The following ZFYVE1 variants were observed in gnomAD, a reference collection of about 807,000 sequenced individuals.
ZFYVE1 encodes zinc finger FYVE domain-containing protein 1.
ZFYVE1 carries 30 observed loss-of-function variants against 74.4 expected under a neutral mutation model. The ratio of observed to expected loss-of-function variants is 0.40; its 90% confidence interval spans 0.30 to 0.55. The LOEUF (loss-of-function observed/expected upper bound fraction) is 0.55. Ranked by LOEUF, ZFYVE1 falls within the 20% of genes least tolerant of loss-of-function variation. The probability of loss-of-function intolerance (pLI) is 0.42; values close to 1 mark genes in which losing one functional copy is unlikely to be tolerated. For synonymous variants in ZFYVE1, 335 were observed against 385.1 expected, an observed-to-expected ratio of 0.87 and a Z score of 1.52; for missense variants, 703 against 1,011.6, an observed-to-expected ratio of 0.69 and a Z score of 4.14.
intron 11 of ZFYVE1, among the ~76,000 whole-genome samples, chr14:72,972,155 A>C (rs1274524177): frequency 6.6e-6 from 1 of 152,308 alleles, no homozygotes; most frequent in Admixed American, 6.5e-5. Flanking sequence ...TGGAGGTTGC[A>C]GTAAGCCAAG....
At chr14:73,007,266 A>C (rs1894000296) in intron 2 of ZFYVE1, among the ~76,000 whole-genome samples, 1 of 152,174 alleles carries the variant, frequency 6.6e-6, no homozygotes, top group African/African-American at 2.4e-5. Flanking sequence ...GAGATTCTAG[A>C]AGTTAAACCC....
chr14:73,003,363 C>A (rs1342916737), intron 2 of ZFYVE1, among the ~76,000 whole-genome samples: 2 of 152,116 alleles, frequency 1.3e-5, no homozygotes, highest in Admixed American at 6.6e-5. Flanking sequence ...TCTCAAGAGT[C>A]TGCTGGTTTG....
chr14:73,008,706 G>A (rs1894029529), intron 2 of ZFYVE1, among the ~76,000 whole-genome samples: 1 of 152,166 alleles, frequency 6.6e-6, no homozygotes, highest in African/African-American at 2.4e-5. Context: ...GGGAGATGCA[G>A]CTGCCTTTTT....
chr14:72,975,477 C>A lies in ZFYVE1; in HGVS notation c.1806+74G>T, dbSNP rs796829610. On this transcript the variant is annotated intron_variant, in intron 9 of 11. Transcript: ENST00000556143. The surrounding 1 kb of genome is among the most constrained non-coding windows in gnomAD (Gnocchi z 4.1). ...GTTTGCGTCTCCCTCACAGAACAAG[C>A]TTAGCACAGGGCAAAGCGGCATTAA... The A allele has an allele frequency of 1.0e-5, 16 of 1,531,374 alleles. No homozygotes were observed. In the East Asian group the frequency reaches 3.2e-4, roughly 30 times the overall value. 94.9% of individuals were successfully genotyped at this position (1,531,374 alleles called of 1,614,324 possible).
chr14:73,010,253 G>C (rs1894060334), intron 2 of ZFYVE1, among the ~76,000 whole-genome samples: 1 of 152,092 alleles, frequency 6.6e-6, no homozygotes, highest in Non-Finnish European at 1.5e-5. Context: ...ATCACCTGAG[G>C]TCAGGAGTTT....
chr14:72,975,361 G>A lies in ZFYVE1; in HGVS notation c.1806+190C>T, dbSNP rs144415643. On this transcript the variant is annotated intron_variant, in intron 9 of 11. Coordinates refer to ENST00000556143, the MANE Select transcript of ZFYVE1 (RefSeq NM_021260.4). The surrounding 1 kb of genome is among the most constrained non-coding windows in gnomAD (Gnocchi z 4.1). ...ACAGAAAATACTTGCAGGAAAACAC[G>A]AAGGGAAATCAATGGGCAAAGAGAA... Among the ~76,000 whole-genome samples, 1,046 of 152,212 alleles carry A rather than the reference G, an allele frequency of 6.9e-3. 12 individuals carry two copies. Among genetic ancestry groups the A allele is most frequent in the African/African-American group, 0.024 (1,005 of 41,538 alleles).
chr14:72,982,407 A>G (rs1282581288), intron 4 of ZFYVE1, among the ~76,000 whole-genome samples: 1 of 152,202 alleles, frequency 6.6e-6, no homozygotes, highest in Non-Finnish European at 1.5e-5. Flanking sequence ...AAAAAGAAGA[A>G]GAATTATTAT....
In ZFYVE1 at chr14:72,970,784, C is replaced by T. The variant is rs45579233; in HGVS notation, c.*98G>A. On this transcript the variant is annotated 3_prime_UTR_variant, in exon 12 of 12. Coordinates refer to ENST00000556143, the MANE Select transcript of ZFYVE1 (RefSeq NM_021260.4). ...CTGGATGCGGAGAGGAGAGGACACACACCACAGCAGGTGACTGGGAGGAGG... is the reference window on the plus strand; with the variant it reads ...CTGGATGCGGAGAGGAGAGGACACATACCACAGCAGGTGACTGGGAGGAGG... 0.038 allele frequency: 50,168 copies of T among 1,318,568 alleles called. 1,157 individuals are homozygous for T. Among genetic ancestry groups the T allele is most frequent in the Non-Finnish European group, 0.046 (44,073 of 952,346 alleles). 81.7% of individuals were successfully genotyped at this position (1,318,568 alleles called of 1,614,324 possible). A position where few individuals can be genotyped will look rare whatever the true frequency, so the allele number is the denominator to read the frequency against.
At chr14:72,977,179 G>A (rs540414712) in intron 8 of ZFYVE1, among the ~76,000 whole-genome samples, 2 of 152,214 alleles carry the variant, frequency 1.3e-5, no homozygotes, top group Non-Finnish European at 2.9e-5. Context: ...AGGCCGAGGT[G>A]GGCAGGTCAC....
intron 5 of ZFYVE1, among the ~76,000 whole-genome samples, chr14:72,979,590 G>T (rs1232800565): frequency 1.3e-5 from 2 of 151,752 alleles, no homozygotes; most frequent in Non-Finnish European, 2.9e-5. Flanking sequence ...GGAGGCGGAG[G>T]TTGCAGTAAG....
chr14:72,985,749 T>A (rs1196883419), intron 4 of ZFYVE1, among the ~76,000 whole-genome samples: 3 of 143,808 alleles, frequency 2.1e-5, no homozygotes, highest in Non-Finnish European at 3.1e-5. Flanking sequence ...AATTATTATT[T>A]AAAAAAAAAA....
intron 4 of ZFYVE1, among the ~76,000 whole-genome samples, chr14:72,987,860 C>T (rs1893517715): frequency 6.6e-6 from 1 of 152,108 alleles, no homozygotes; most frequent in Admixed American, 6.5e-5. Context: ...CTGGGGCCTG[C>T]ACAACAGTGT....
At position 73,024,125 on chromosome 14, in the gene ZFYVE1, C is replaced by T. The variant is rs541602976; in HGVS notation, c.384G>A (p.Glu128=). 1 of 1,614,208 alleles carries T rather than the reference C, an allele frequency of 6.2e-7. No individual in the cohort carries two copies. The highest frequency in any genetic ancestry group is 2.2e-5 in the East Asian group (1 of 44,880). ...CATCCATCTCTTCTGCCTCCAGTGA[C>T]TCCTGGAGATTACTGACATTGTACA... ...VTVYNVSNLQ[E]SLEAEEMDEE... The change falls in exon 2 of 12, where the codon GAG becomes GAA. Residue 128 remains glutamate, a synonymous_variant. Transcript: ENST00000556143.
At chr14:73,017,242 G>A (rs142622948) in intron 2 of ZFYVE1, among the ~76,000 whole-genome samples, 2 of 152,276 alleles carry the variant, frequency 1.3e-5, no homozygotes, top group East Asian at 1.9e-4. Context: ...CTGTCAGATC[G>A]ATCACTTTCT....
At chr14:73,003,201 CAT>C (rs892571363) in intron 2 of ZFYVE1, among the ~76,000 whole-genome samples, 2 of 151,906 alleles carry the variant, frequency 1.3e-5, no homozygotes, top group African/African-American at 4.8e-5. Flanking sequence ...ACTACAGGCA[CAT>C]GTCACCACAC....
At chr14:72,996,992 C>A (rs1893763509) in intron 3 of ZFYVE1, among the ~76,000 whole-genome samples, 1 of 152,196 alleles carries the variant, frequency 6.6e-6, no homozygotes, top group Non-Finnish European at 1.5e-5. Context: ...GACAATCTTG[C>A]TTCCTATTTC....
chr14:73,015,419 GGGAA>G (rs1381483848), intron 2 of ZFYVE1, among the ~76,000 whole-genome samples: 1 of 142,350 alleles, frequency 7.0e-6, no homozygotes, highest in Non-Finnish European at 1.5e-5. Context: ...GGGAAGGAAG[GGGAA>G]GGAAGGAAGA....
chr14:72,998,220 C>T lies in ZFYVE1; in HGVS notation c.579G>A (p.Lys193=). The change falls in exon 3 of 12, where the codon AAG becomes AAA. Residue 193 remains lysine (K), a synonymous_variant. Coordinates refer to ENST00000556143, the MANE Select transcript of ZFYVE1 (RefSeq NM_021260.4). The part of the protein sequence containing the change: ...VSIFGNTGDG[K]SHTLNHTFFY... ...AGAAAGTGTGGTTGAGAGTATGAGA[C>T]TTTCCATCACCAGTATTTCCAAAAA... The T allele has an allele frequency of 1.2e-6, 2 of 1,611,968 alleles. No homozygotes were observed. Among genetic ancestry groups the T allele is most frequent in the Non-Finnish European group, 1.7e-6 (2 of 1,179,348 alleles).
chr14:72,984,106 T>C (rs969751109), intron 4 of ZFYVE1, among the ~76,000 whole-genome samples: 1 of 152,138 alleles, frequency 6.6e-6, no homozygotes, highest in Non-Finnish European at 1.5e-5. Context: ...GCAGGGCTAC[T>C]GCAGAGGCCA....
Sources: allele counts gnomAD v4.1 joint callset (sites outside exome capture counted in the v4.1 genomes callset), GRCh38; gene constraint gnomAD v4.1.1; non-coding constraint Gnocchi (gnomAD v3.1); transcripts MANE v1.5; gene names NCBI Gene and HGNC (gene_info 2026-07-23, HGNC 2026-07-21).